Variants in SLC12A7 observed in about 807,000 individuals in gnomAD.
The protein encoded by SLC12A7 is solute carrier family 12 member 7, also known as K-Cl cotransporter 4.
Under a neutral mutation model 120.6 loss-of-function variants are expected in SLC12A7, and 100 were observed. The ratio of observed to expected loss-of-function variants is 0.83; its 90% CI spans 0.71 to 0.98. The LOEUF (loss-of-function observed/expected upper bound fraction) is 0.98. Among genes scored for constraint, SLC12A7 ranks in the 50% least tolerant of loss-of-function variants. The probability of loss-of-function intolerance (pLI) is 0.00; values close to 1 mark genes in which losing one functional copy is unlikely to be tolerated. For missense variants in SLC12A7, 1,373 were observed against 1,548.1 expected, an observed-to-expected ratio of 0.89 and a Z score of 1.90; for synonymous variants, 760 against 678.0, an observed-to-expected ratio of 1.12 and a Z score of -1.88.
At chr5:1,138,824 A>T in the SLC12A7 span, among the ~76,000 whole-genome samples, 2 of 152,190 alleles carry the variant, frequency 1.3e-5, no homozygotes, top group African/African-American at 2.4e-5. Flanking sequence ...TGCCCGACAC[A>T]GCCCTGTGTG....
upstream of SLC12A7, among the ~76,000 whole-genome samples, chr5:1,114,676 C>T (rs941731970): frequency 1.3e-5 from 2 of 151,832 alleles, no homozygotes; most frequent in Admixed American, 6.6e-5. Context: ...CTGCATCTTT[C>T]GGTGCAGGCC....
chr5:1,052,160 T>C lies in SLC12A7; in HGVS notation c.*200A>G, dbSNP rs1412716606. The C allele has an allele frequency of 1.7e-6, 1 of 591,012 alleles. No individual in the cohort carries two copies. The highest frequency in any genetic ancestry group is 1.9e-5 in the African/African-American group (1 of 53,596). 36.6% of individuals were successfully genotyped at this position (591,012 alleles called of 1,614,324 possible). On this transcript the variant is annotated 3_prime_UTR_variant, in exon 24 of 24. Coordinates refer to ENST00000264930, the MANE Select transcript of SLC12A7 (RefSeq NM_006598.3). ...AGGAAATCGTCCAGCCACGCCCTGA[T>C]TTGCTGAGCCTGTTAAGGCTGAACA...
At chr5:1,087,991 C>T (rs1740074262) in intron 5 of SLC12A7, among the ~76,000 whole-genome samples, 2 of 152,222 alleles carry the variant, frequency 1.3e-5, no homozygotes, top group Admixed American at 6.5e-5. Context: ...AAGAACTCAG[C>T]CTATGGCACA....
chr5:1,089,792 G>C (rs1740290332), intron 3 of SLC12A7, among the ~76,000 whole-genome samples: 1 of 152,214 alleles, frequency 6.6e-6, no homozygotes, highest in South Asian at 2.1e-4. Context: ...ACATGGGCAA[G>C]GGTCAGCAGC....
At chr5:1,135,475 C>T in the SLC12A7 span, among the ~76,000 whole-genome samples, 1 of 152,208 alleles carries the variant, frequency 6.6e-6, no homozygotes, top group Non-Finnish European at 1.5e-5. Flanking sequence ...TGGGTGATGT[C>T]ACCTGCGGCC....
chr5:1,130,440 T>C, the SLC12A7 span, among the ~76,000 whole-genome samples: 1 of 142,716 alleles, frequency 7.0e-6, no homozygotes, highest in African/African-American at 2.5e-5. Context: ...AGAGGCTGAA[T>C]GAAAGCCCCG....
At chr5:1,078,927 C>T (rs556202187) in intron 10 of SLC12A7, among the ~76,000 whole-genome samples, 169 bp from the exon 11 acceptor site, 1 of 152,232 alleles carries the variant, frequency 6.6e-6, no homozygotes, top group South Asian at 2.1e-4. Context: ...CACGTCCTGT[C>T]CCCCGTGTCC....
chr5:1,136,944 C>T, the SLC12A7 span, among the ~76,000 whole-genome samples: 1 of 127,332 alleles, frequency 7.9e-6, no homozygotes, highest in African/African-American at 3.6e-5. Flanking sequence ...CAGACGTGCA[C>T]ACATACCACC....
chr5:1,154,354 A>AACACACACACACACACACAC, the SLC12A7 span, among the ~76,000 whole-genome samples: 5 of 141,810 alleles, frequency 3.5e-5, no homozygotes, highest in African/African-American at 1.1e-4. Context: ...TGGTGTCCGC[A>AACACACACACACACACACAC]ACACACACAC....
chr5:1,131,496 C>G, the SLC12A7 span, among the ~76,000 whole-genome samples: 1 of 152,224 alleles, frequency 6.6e-6, no homozygotes, highest in South Asian at 2.1e-4. Flanking sequence ...AAGCAGGCAC[C>G]GGCCCTGGTG....
intron 1 of SLC12A7, among the ~76,000 whole-genome samples, chr5:1,104,888 G>A (rs1180243978): frequency 1.3e-5 from 2 of 152,252 alleles, no homozygotes; most frequent in African/African-American, 2.4e-5. Context: ...AGCACCACTC[G>A]GACCCCGAGA....
At chr5:1,131,381 G>A in the SLC12A7 span, among the ~76,000 whole-genome samples, 1 of 152,202 alleles carries the variant, frequency 6.6e-6, no homozygotes, top group Non-Finnish European at 1.5e-5. Flanking sequence ...AGGGTGTGGG[G>A]GAGGGAGCCG....
At position 1,064,140 on chromosome 5, in the gene SLC12A7, C is replaced by T; in HGVS notation, c.2550G>A (p.Trp850Ter). The T allele has an allele frequency of 6.2e-7, 1 of 1,611,998 alleles. No individual in the cohort carries two copies. The highest frequency in any genetic ancestry group is 8.5e-7 in the Non-Finnish European group (1 of 1,179,516). ...TGAGCATGCCGCCGTCGTGCACGAT[C>T]CACCACACGTCGATGTGGCCCCCGC... is the stretch of plus-strand genomic sequence containing the variant. ...RFGGGHIDVW[W>*]IVHDGGMLML... is the part of the protein sequence containing the mutation. The change falls in exon 19 of 24, where the codon TGG (tryptophan) becomes TGA (stop). Residue 850 changes from tryptophan to a stop codon, truncating the protein, a stop_gained. Coordinates refer to ENST00000264930, the MANE Select transcript of SLC12A7 (RefSeq NM_006598.3). LOFTEE classifies it high-confidence loss of function.
At chr5:1,152,493 A>G in the SLC12A7 span, among the ~76,000 whole-genome samples, 1 of 152,190 alleles carries the variant, frequency 6.6e-6, no homozygotes, top group African/African-American at 2.4e-5. Context: ...GAGAGTCCCA[A>G]TGGCATGTTT....
chr5:1,129,152 G>C, the SLC12A7 span, among the ~76,000 whole-genome samples: 1 of 152,172 alleles, frequency 6.6e-6, no homozygotes, highest in Non-Finnish European at 1.5e-5. Flanking sequence ...CCAGGCCAGG[G>C]GGACAGCCAC....
chr5:1,084,482 C>T lies in SLC12A7; in HGVS notation c.918-526G>A, dbSNP rs75605463. 7.9e-3 allele frequency among the ~76,000 whole-genome samples: 1,210 copies of T among 152,272 alleles called. 18 individuals carry two copies. The highest frequency in any genetic ancestry group is 0.027 in the African/African-American group (1,122 of 41,552). The stretch of plus-strand genomic sequence containing the variant: ...AAGCCACCCTCGTGCCACGTGCCAA[C>T]GGCCAAGAGCACAGGAGTGCCGCCC... On this transcript the variant is annotated intron_variant, in intron 7 of 23. Transcript: ENST00000264930.
At chr5:1,076,273 G>GGCCCCCCTGA in intron 13 of SLC12A7, 37 bp from the exon 14 acceptor site, 1 of 1,549,644 alleles carries the variant, frequency 6.5e-7, no homozygotes, top group Non-Finnish European at 8.8e-7. Context: ...GGGCCCACTG[G>GGCCCCCCTGA]GCCCCCCTGA....
At chr5:1,099,811 G>A (rs1483432923) in intron 1 of SLC12A7, among the ~76,000 whole-genome samples, 2 of 152,140 alleles carry the variant, frequency 1.3e-5, no homozygotes, top group East Asian at 1.9e-4. Context: ...AGCAAAACTC[G>A]GGACACCTTA....
chr5:1,092,226 G>A lies in SLC12A7; in HGVS notation c.342+1307C>T, dbSNP rs535635514. 5.9e-5 allele frequency among the ~76,000 whole-genome samples: 9 copies of A among 152,378 alleles called. No individual in the cohort carries two copies. The South Asian group carries it at 1.2e-3, about 21-fold the overall frequency. Reference sequence around the variant, plus strand: ...AAGGAAGGAAAGAGACATCTTGAGCGGCCTGACTTCCCGACTGCTGTGTGG... The same window carrying A: ...AAGGAAGGAAAGAGACATCTTGAGCAGCCTGACTTCCCGACTGCTGTGTGG... On this transcript the variant is annotated intron_variant, in intron 3 of 23. Coordinates refer to ENST00000264930, the MANE Select transcript of SLC12A7 (RefSeq NM_006598.3).
Sources: allele counts gnomAD v4.1 joint callset (sites outside exome capture counted in the v4.1 genomes callset), GRCh38; gene constraint gnomAD v4.1.1; transcripts MANE v1.5; gene names NCBI Gene and HGNC (gene_info 2026-07-23, HGNC 2026-07-21).